Variants in DENR observed in about 807,000 individuals in gnomAD.
The protein encoded by DENR is density regulated re-initiation and release factor, also known as density-regulated protein.
DENR carries 6 observed loss-of-function variants against 30.6 expected under a neutral mutation model. The observed-to-expected ratio is 0.20, with a 90% confidence interval of 0.11 to 0.39. The LOEUF is 0.39. Among genes scored for constraint, DENR ranks in the 10% least tolerant of loss-of-function variants. The pLI is 1.00. For missense variants in DENR, 141 were observed against 230.9 expected (o/e 0.61, Z 2.52); for synonymous variants, 78 against 72.1 (o/e 1.08, Z -0.41).
At chr12:122,760,910 C>G (rs1342160599) in intron 2 of DENR, among the ~76,000 whole-genome samples, 2 of 152,094 alleles carry the variant, frequency 1.3e-5, no homozygotes, top group Non-Finnish European at 2.9e-5. Context: ...TGTAGCATAA[C>G]ATGAAAAAGC....
intron 1 of DENR, among the ~76,000 whole-genome samples, 170 bp downstream of exon 1, chr12:122,753,120 C>T (rs573360400): frequency 6.6e-6 from 1 of 152,372 alleles, no homozygotes; most frequent in East Asian, 1.9e-4. Flanking sequence ...CCTGGTCGCC[C>T]TTGTCCCCTC....
At chr12:122,757,914 A>G (rs1878592828) in intron 2 of DENR, among the ~76,000 whole-genome samples, 1 of 152,158 alleles carries the variant, frequency 6.6e-6, no homozygotes, top group African/African-American at 2.4e-5. Flanking sequence ...CTCCTCCCCA[A>G]ATTTAGAAGA....
intron 4 of DENR, chr12:122,763,174 G>T (rs1432184146): frequency 3.2e-6 from 1 of 315,102 alleles, no homozygotes; most frequent in African/African-American, 2.2e-5. Flanking sequence ...GGCTGAGGCA[G>T]GCGGATCACA....
chr12:122,769,455 T>G lies in DENR; in HGVS notation c.*377T>G, dbSNP rs1472892496. The G allele has an allele frequency of 1.3e-5, 13 of 987,406 alleles. No homozygotes were observed. In the African/African-American group the frequency reaches 2.3e-4, roughly 17 times the overall value. The allele number at this position is 987,406 out of a possible 1,614,324, so 61.2% of individuals were successfully genotyped here. A position where few individuals can be genotyped will look rare whatever the true frequency, so the allele number is the denominator to read the frequency against. ...CTGTCATGCTCATGCATGAATAGAATTTAGTCAAATAAAAAATTTTGGTCA... is the reference window on the plus strand; with the variant it reads ...CTGTCATGCTCATGCATGAATAGAAGTTAGTCAAATAAAAAATTTTGGTCA... On this transcript the variant is annotated 3_prime_UTR_variant, in exon 8 of 8. Coordinates refer to ENST00000280557, the MANE Select transcript of DENR (RefSeq NM_003677.5).
chr12:122,765,935 C>A (rs767786087), intron 5 of DENR, among the ~76,000 whole-genome samples: 1 of 152,040 alleles, frequency 6.6e-6, no homozygotes, highest in Non-Finnish European at 1.5e-5. Context: ...CACTTGACTC[C>A]TTCTCAAACC....
At chr12:122,753,630 A>T (rs900308182) in intron 1 of DENR, 63 bp from the exon 2 acceptor site, 1 of 1,293,524 alleles carries the variant, frequency 7.7e-7, no homozygotes, top group Non-Finnish European at 1.1e-6. Context: ...GTTGAGAGGA[A>T]CACTGCTCTT....
chr12:122,756,987 C>T (rs903043589), intron 2 of DENR, among the ~76,000 whole-genome samples: 1 of 152,032 alleles, frequency 6.6e-6, no homozygotes, highest in Non-Finnish European at 1.5e-5. Flanking sequence ...CAGTATAAAG[C>T]AGTTAATCAG....
At chr12:122,766,322 C>T (rs531506134) in intron 5 of DENR, among the ~76,000 whole-genome samples, 10 of 152,312 alleles carry the variant, frequency 6.6e-5, no homozygotes, top group South Asian at 2.1e-4. Flanking sequence ...CTGTTCCTTC[C>T]TAGGTCTCCT....
chr12:122,762,277 A>AT (rs907035131), intron 3 of DENR, 71 bp downstream of exon 3: 244 of 1,021,544 alleles, frequency 2.4e-4, no homozygotes, highest in South Asian at 6.6e-4. Context: ...TACCTTGAGA[A>AT]TTTTTTTTTA....
chr12:122,754,004 C>T, intron 2 of DENR, 197 bp downstream of exon 2: 1 of 599,630 alleles, frequency 1.7e-6, no homozygotes, highest in African/African-American at 1.8e-5. Flanking sequence ...GGCTACTCTG[C>T]CTGAAGAAGC....
chr12:122,755,893 T>C (rs1878537552), intron 2 of DENR, among the ~76,000 whole-genome samples: 2 of 152,214 alleles, frequency 1.3e-5, no homozygotes, highest in South Asian at 4.1e-4. Flanking sequence ...GGAGATGGGA[T>C]TAGACTGTAC....
intron 2 of DENR, among the ~76,000 whole-genome samples, chr12:122,760,656 G>C (rs911591359): frequency 6.6e-6 from 1 of 152,152 alleles, no homozygotes; most frequent in South Asian, 2.1e-4. Flanking sequence ...GCGTGAACCC[G>C]GGAGGCGGAG....
chr12:122,768,977 C>G (rs1878923704), intron 7 of DENR, 56 bp downstream of exon 7: 2 of 1,605,306 alleles, frequency 1.2e-6, no homozygotes. Flanking sequence ...CAAATTGCTT[C>G]CATTTTTTCT....
intron 5 of DENR, among the ~76,000 whole-genome samples, chr12:122,766,241 G>A (rs1864468180): frequency 1.3e-5 from 2 of 152,086 alleles, no homozygotes; most frequent in Non-Finnish European, 2.9e-5. Context: ...GGTCAGCAGT[G>A]GCTTAGTTAT....
At chr12:122,759,968 C>T (rs1878651832) in intron 2 of DENR, among the ~76,000 whole-genome samples, 1 of 152,174 alleles carries the variant, frequency 6.6e-6, no homozygotes, top group African/African-American at 2.4e-5. Context: ...TTCCAGTTTT[C>T]TTCTGCCACA....
At chr12:122,767,737 T>G in intron 6 of DENR, 133 bp downstream of exon 6, 1 of 458,442 alleles carries the variant, frequency 2.2e-6, no homozygotes, top group Non-Finnish European at 3.7e-6. Context: ...GAAGATAAAT[T>G]TTGCATTTCT....
intron 6 of DENR, 34 bp from the exon 7 acceptor site, chr12:122,768,748 A>T (rs1196364736): frequency 1.3e-6 from 2 of 1,501,126 alleles, no homozygotes; most frequent in South Asian, 2.6e-5. Flanking sequence ...AATTCCAATT[A>T]CAGTTCTTGC....
chr12:122,769,156 ATATATATATACACATATATATG>A lies in DENR; in HGVS notation c.*87_*108del. 2.9e-6 allele frequency: 4 copies of A among 1,364,386 alleles called. No individual in the cohort carries two copies. Among genetic ancestry groups the A allele is most frequent in the South Asian group, 1.6e-5 (1 of 64,340 alleles). 84.5% of individuals were successfully genotyped at this position (1,364,386 alleles called of 1,614,324 possible). On this transcript the variant is annotated 3_prime_UTR_variant, in exon 8 of 8. Transcript: ENST00000280557. ...AAGGGAGAGAGGCCTTTTAAAATAT[ATATATATATACACATATATATG>A]TATATATACACATATATGTATGTAT...
At chr12:122,753,847 A>G (rs756002032) in intron 2 of DENR, 40 bp downstream of exon 2, 5 of 1,439,058 alleles carry the variant, frequency 3.5e-6, no homozygotes, top group Non-Finnish European at 2.9e-6. Context: ...TACTCACTAT[A>G]CTTTTATGCA....
Sources: gnomAD v4.1 joint callset for allele counts (sites outside exome capture counted in the v4.1 genomes callset) on GRCh38, gnomAD v4.1.1 for gene constraint, MANE v1.5 for transcripts, NCBI Gene and HGNC (gene_info 2026-07-23, HGNC 2026-07-21) for gene names.